The following PRELID2 variants were observed in gnomAD, a reference collection of about 807,000 sequenced individuals.
PRELID2 encodes PRELI domain containing 2, also known as PRELI domain-containing protein 2.
In PRELID2, 25 loss-of-function variants were observed where a neutral mutation model predicts 28.4. That is an observed-to-expected ratio of 0.88 (90% CI 0.64 to 1.23). The LOEUF is 1.23. Among genes scored for constraint, PRELID2 ranks in the 50% most tolerant of loss-of-function variants. The pLI is 0.00. For missense variants in PRELID2, 201 were observed against 214.4 expected (o/e 0.94, Z 0.39); for synonymous variants, 76 against 71.6 (o/e 1.06, Z -0.31).
the PRELID2 span, among the ~76,000 whole-genome samples, chr5:145,231,982 CCT>C: frequency 1.1e-4 from 17 of 152,084 alleles, no homozygotes; most frequent in East Asian, 3.1e-3. Context: ...AATTTAGAAA[CCT>C]CTCTCTCTGT....
the PRELID2 span, among the ~76,000 whole-genome samples, chr5:145,416,044 T>C: frequency 1.3e-5 from 2 of 152,126 alleles, no homozygotes; most frequent in African/African-American, 2.4e-5. Flanking sequence ...ATGATGAGCA[T>C]TTTTTCATGT....
At chr5:145,427,056 T>G in the PRELID2 span, among the ~76,000 whole-genome samples, 2 of 152,216 alleles carry the variant, frequency 1.3e-5, no homozygotes, top group African/African-American at 4.8e-5. Flanking sequence ...TGACCTACTT[T>G]AGAATCAATT....
chr5:145,344,938 T>TG, the PRELID2 span, among the ~76,000 whole-genome samples: 1 of 152,136 alleles, frequency 6.6e-6, no homozygotes, highest in Non-Finnish European at 1.5e-5. Context: ...GATTTACCTG[T>TG]GCTGTGCAAT....
chr5:145,405,063 T>C, the PRELID2 span, among the ~76,000 whole-genome samples: 2 of 151,898 alleles, frequency 1.3e-5, no homozygotes, highest in Non-Finnish European at 2.9e-5. Flanking sequence ...AAAAATAAAA[T>C]AAAAAAACTT....
chr5:145,279,253 A>C, the PRELID2 span, among the ~76,000 whole-genome samples: 1 of 152,196 alleles, frequency 6.6e-6, no homozygotes, highest in Non-Finnish European at 1.5e-5. Context: ...CTCCATTCTC[A>C]TTTCAGTATC....
chr5:145,664,448 A>C (rs996094610), intron 1 of PRELID2, among the ~76,000 whole-genome samples: 4 of 152,130 alleles, frequency 2.6e-5, no homozygotes, highest in African/African-American at 7.2e-5. Flanking sequence ...GTTGCCCTCC[A>C]AATGAGGAAT....
At chr5:145,422,036 A>AGTG in the PRELID2 span, among the ~76,000 whole-genome samples, 4 of 143,372 alleles carry the variant, frequency 2.8e-5, no homozygotes, top group South Asian at 2.2e-4. Context: ...CATGTAGTTG[A>AGTG]GTGGTTTTGA....
At chr5:145,310,212 A>T in the PRELID2 span, among the ~76,000 whole-genome samples, 2 of 152,292 alleles carry the variant, frequency 1.3e-5, no homozygotes, top group Admixed American at 1.3e-4. Flanking sequence ...AATTATCTTC[A>T]TTTCTTTGGG....
intron 4 of PRELID2, among the ~76,000 whole-genome samples, chr5:145,809,881 C>T (rs529206461): frequency 7.9e-5 from 12 of 152,286 alleles, no homozygotes; most frequent in African/African-American, 2.6e-4. Context: ...CATTGCAGTA[C>T]TCGGATAAAG....
At chr5:145,384,801 A>G in the PRELID2 span, among the ~76,000 whole-genome samples, 7 of 152,268 alleles carry the variant, frequency 4.6e-5, no homozygotes, top group Non-Finnish European at 1.0e-4. Context: ...GGTGCCATAC[A>G]TTTTAAACAG....
the PRELID2 span, among the ~76,000 whole-genome samples, chr5:145,313,832 G>C: frequency 6.6e-6 from 1 of 152,058 alleles, no homozygotes; most frequent in Non-Finnish European, 1.5e-5. Context: ...CAGTAGCAAG[G>C]TGCAACAAAA....
At chr5:145,437,196 C>T in the PRELID2 span, 3 of 152,036 alleles carry the variant, frequency 2.0e-5, no homozygotes, top group Admixed American at 1.3e-4. Flanking sequence ...GCTGAGGAGG[C>T]GTTGAGAAAA....
chr5:145,400,519 A>T, the PRELID2 span, among the ~76,000 whole-genome samples: 1 of 152,150 alleles, frequency 6.6e-6, no homozygotes, highest in Non-Finnish European at 1.5e-5. Flanking sequence ...AACATTTTTA[A>T]AATGAGGCAA....
At chr5:145,659,751 C>T (rs1276818044) in intron 1 of PRELID2, among the ~76,000 whole-genome samples, 1 of 152,140 alleles carries the variant, frequency 6.6e-6, no homozygotes, top group Non-Finnish European at 1.5e-5. Flanking sequence ...ATTGATTTTT[C>T]CAGAGAGAGC....
intron 1 of PRELID2, among the ~76,000 whole-genome samples, chr5:145,746,908 C>T (rs2400201): frequency 0.89 from 135,356 of 152,186 alleles, 60,237 homozygotes; most frequent in East Asian, 0.99. Context: ...ACATGGAAAT[C>T]GAATGACCTG....
At chr5:145,679,749 T>C (rs1754897111) in intron 1 of PRELID2, among the ~76,000 whole-genome samples, 1 of 151,444 alleles carries the variant, frequency 6.6e-6, no homozygotes, top group Admixed American at 6.6e-5. Flanking sequence ...AATCAAGAAA[T>C]AATTTGAAGG....
At chr5:145,546,952 T>C (rs1456780187) in intron 1 of PRELID2, among the ~76,000 whole-genome samples, 1 of 152,176 alleles carries the variant, frequency 6.6e-6, no homozygotes, top group Non-Finnish European at 1.5e-5. Context: ...ATTTCCCTTC[T>C]GTTAAAGCGG....
chr5:145,693,780 A>C (rs947880317), intron 1 of PRELID2, among the ~76,000 whole-genome samples: 2 of 152,168 alleles, frequency 1.3e-5, no homozygotes, highest in Non-Finnish European at 2.9e-5. Context: ...TCTCCAAAAA[A>C]CTTAAATTAA....
chr5:145,414,067 T>C, the PRELID2 span, among the ~76,000 whole-genome samples: 4 of 152,200 alleles, frequency 2.6e-5, no homozygotes, highest in African/African-American at 7.2e-5. Flanking sequence ...CTCTTATTTC[T>C]AATTTGTCTT....
Sources: allele counts gnomAD v4.1 joint callset (sites outside exome capture counted in the v4.1 genomes callset), GRCh38; gene constraint gnomAD v4.1.1; transcripts MANE v1.5; gene names NCBI Gene and HGNC (gene_info 2026-07-23, HGNC 2026-07-21).